RBM33: variants seen among roughly 807,000 people sequenced by gnomAD.
RBM33 encodes the protein RNA binding motif protein 33.
A neutral mutation model predicts 132.6 loss-of-function variants in RBM33; 28 were observed. That is an observed-to-expected ratio of 0.21 (90% CI 0.16 to 0.29). RBM33 has a LOEUF of 0.29. Ranked by LOEUF, RBM33 falls within the 10% of genes least tolerant of loss-of-function variation. The probability of loss-of-function intolerance (pLI) is 1.00; values close to 1 mark genes in which losing one functional copy is unlikely to be tolerated. For synonymous variants in RBM33, 634 were observed against 593.0 expected (o/e 1.07, Z -1.01); for missense variants, 1,291 against 1,518.5 (o/e 0.85, Z 2.49).
intron 9 of RBM33, among the ~76,000 whole-genome samples, chr7:155,728,207 A>G (rs1212546649): frequency 6.6e-6 from 1 of 152,104 alleles, no homozygotes; most frequent in Non-Finnish European, 1.5e-5. Flanking sequence ...CATTTTGGAA[A>G]ATGCGCCGTC....
intron 14 of RBM33, among the ~76,000 whole-genome samples, chr7:155,753,313 C>T (rs937185627): frequency 2.0e-5 from 3 of 152,218 alleles, no homozygotes. Context: ...ATTTCACATC[C>T]TGTTTTGCTG....
chr7:155,733,469 A>AC (rs1243840175), intron 9 of RBM33, among the ~76,000 whole-genome samples: 1 of 152,260 alleles, frequency 6.6e-6, no homozygotes, highest in East Asian at 1.9e-4. Context: ...GTGACCTTGG[A>AC]CCAGTGATTT....
intron 14 of RBM33, among the ~76,000 whole-genome samples, chr7:155,750,322 A>C (rs957817646): frequency 3.3e-5 from 5 of 152,210 alleles, no homozygotes; most frequent in Non-Finnish European, 7.3e-5. Flanking sequence ...AAACAATTCA[A>C]GTAATAACAG....
intron 7 of RBM33, among the ~76,000 whole-genome samples, chr7:155,709,675 T>C (rs1470216726): frequency 6.6e-6 from 1 of 152,184 alleles, no homozygotes; most frequent in Non-Finnish European, 1.5e-5. Flanking sequence ...AAATTTAACT[T>C]GGGTGTCCCT....
At chr7:155,773,880 C>CTGGA (rs1485560667) in intron 16 of RBM33, among the ~76,000 whole-genome samples, 4 of 152,238 alleles carry the variant, frequency 2.6e-5, no homozygotes, top group African/African-American at 9.6e-5. Flanking sequence ...TAAATCTTTA[C>CTGGA]TGGATTCATC....
chr7:155,645,966 G>A (rs191349175), intron 1 of RBM33, among the ~76,000 whole-genome samples: 1 of 152,306 alleles, frequency 6.6e-6, no homozygotes, highest in African/African-American at 2.4e-5. Context: ...AATTTGGTTT[G>A]CTATATGCCA....
At chr7:155,715,373 T>G (rs1800431818) in intron 8 of RBM33, among the ~76,000 whole-genome samples, 1 of 152,196 alleles carries the variant, frequency 6.6e-6, no homozygotes, top group African/African-American at 2.4e-5. Context: ...TGGTAATACG[T>G]ACAGATTTTC....
chr7:155,758,033 T>TGGG (rs1262590404), intron 14 of RBM33, among the ~76,000 whole-genome samples: 1 of 152,106 alleles, frequency 6.6e-6, no homozygotes, highest in East Asian at 1.9e-4. Context: ...CCTCCAGCAC[T>TGGG]GGGGATACAT....
Position 155,707,078 on chromosome 7 carries a change from G to C in RBM33, c.948+10G>C, listed in dbSNP as rs41271199. On this transcript the variant is annotated intron_variant, in intron 7 of 17. Coordinates refer to ENST00000401878, the MANE Select transcript of RBM33 (RefSeq NM_053043.3). Reference sequence around the variant, plus strand: ...ACAGCCTCCTGTCGTGGTAACTTCAGATTTTCTTGTAGTAGCCCTAGAACT... The same window carrying C: ...ACAGCCTCCTGTCGTGGTAACTTCACATTTTCTTGTAGTAGCCCTAGAACT... 2.6e-6 allele frequency: 4 copies of C among 1,533,368 alleles called. No individual in the cohort carries two copies. Among genetic ancestry groups the C allele is most frequent in the East Asian group, 2.4e-5 (1 of 40,838 alleles). The allele number at this position is 1,533,368 out of a possible 1,614,324, so 95.0% of individuals were successfully genotyped here.
At chr7:155,709,978 T>C (rs1197341141) in intron 7 of RBM33, among the ~76,000 whole-genome samples, 1 of 152,232 alleles carries the variant, frequency 6.6e-6, no homozygotes, top group Non-Finnish European at 1.5e-5. Context: ...CATTGATTCA[T>C]CTCTCACCAT....
At chr7:155,678,748 A>G (rs1799253670) in intron 4 of RBM33, 64 bp downstream of exon 4, 1 of 803,478 alleles carries the variant, frequency 1.2e-6, no homozygotes. Flanking sequence ...ACTGTTATTT[A>G]TAATTATAAT....
rs1005660464 is a variant in RBM33, at chr7:155,678,698, C to A, written c.248+14C>A. The A allele has an allele frequency of 2.3e-6, 3 of 1,321,184 alleles. No homozygotes were observed. Among genetic ancestry groups the A allele is most frequent in the Non-Finnish European group, 3.2e-6 (3 of 937,542 alleles). The allele number at this position is 1,321,184 out of a possible 1,614,324, so 81.8% of individuals were successfully genotyped here. On this transcript the variant is annotated intron_variant, in intron 4 of 17. Transcript: ENST00000401878. The stretch of plus-strand genomic sequence containing the variant: ...AGAAAATTTCAGGTACTCAATATTA[C>A]CTCATTATAAATGTTCTTTATTTAA...
rs368447642 is a variant in RBM33 at position 155,706,973 on chromosome 7, T to A, written c.853T>A (p.Cys285Ser). Residue 285 changes from cysteine to serine, a missense_variant, in exon 7 of 18, where the codon TGT (cysteine) becomes AGT (serine). Cys to Ser is a moderately radical substitution (Grantham distance 112). Transcript: ENST00000401878. ...RGGRRGGPLM[C>S]RGVGDQRRES... ...AGGACGGCGAGGAGGTCCGCTGATG[T>A]GTCGTGGTGTGGGGGACCAGAGGAG... 1.3e-6 allele frequency: 2 copies of A among 1,598,136 alleles called. No homozygotes were observed. The highest frequency in any genetic ancestry group is 1.7e-6 in the Non-Finnish European group (2 of 1,172,394).
At chr7:155,721,053 TA>T (rs1445232535) in intron 9 of RBM33, among the ~76,000 whole-genome samples, 2 of 152,246 alleles carry the variant, frequency 1.3e-5, no homozygotes, top group Non-Finnish European at 2.9e-5. Context: ...AGGTTCATTG[TA>T]ATCTCTCCTT....
At chr7:155,706,263 G>T (rs77258482) in intron 6 of RBM33, among the ~76,000 whole-genome samples, 10 of 152,218 alleles carry the variant, frequency 6.6e-5, no homozygotes, top group Admixed American at 3.3e-4. Context: ...AGGCTGAGGC[G>T]GATGGATTGC....
At position 155,749,385 on chromosome 7, in the gene RBM33, G is replaced by T. The variant is rs534152096; in HGVS notation, c.2979+3783G>T. Among the ~76,000 whole-genome samples, 39 of 152,314 alleles carry T rather than the reference G, an allele frequency of 2.6e-4. No homozygotes were observed. The South Asian group carries it at 8.1e-3, about 32-fold the overall frequency. Reference sequence around the variant, plus strand: ...GAATCTCAAAGAGGCTACGTAACCAGCCTAGGGCCGCCGCACACCTACTAG... The same window carrying T: ...GAATCTCAAAGAGGCTACGTAACCATCCTAGGGCCGCCGCACACCTACTAG... On this transcript the variant is annotated intron_variant, in intron 14 of 17. Coordinates refer to ENST00000401878, the MANE Select transcript of RBM33 (RefSeq NM_053043.3).
At chr7:155,651,279 T>C (rs926839959) in intron 1 of RBM33, among the ~76,000 whole-genome samples, 1 of 152,146 alleles carries the variant, frequency 6.6e-6, no homozygotes, top group Non-Finnish European at 1.5e-5. Context: ...GTGGTTTTGT[T>C]GGGTCCAGAA....
chr7:155,661,130 G>GTATATA (rs1186560711), intron 1 of RBM33, among the ~76,000 whole-genome samples: 1 of 85,712 alleles, frequency 1.2e-5, no homozygotes, highest in African/African-American at 4.4e-5. Context: ...GTGTGTGTGT[G>GTATATA]TATATATATA....
At chr7:155,729,211 C>T (rs1800882634) in intron 9 of RBM33, among the ~76,000 whole-genome samples, 1 of 152,036 alleles carries the variant, frequency 6.6e-6, no homozygotes, top group South Asian at 2.1e-4. Context: ...ATGAGAACAG[C>T]GTGGGGGAAA....
Sources: gnomAD v4.1 joint callset for allele counts (sites outside exome capture counted in the v4.1 genomes callset) on GRCh38, gnomAD v4.1.1 for gene constraint, MANE v1.5 for transcripts, NCBI Gene and HGNC (gene_info 2026-07-23, HGNC 2026-07-21) for gene names.